The following CBFA2T2 variants were observed in gnomAD, a reference collection of about 807,000 sequenced individuals.
CBFA2T2 encodes CBFA2/RUNX1 partner transcriptional co-repressor 2, also known as protein CBFA2T2.
A neutral mutation model predicts 62.2 loss-of-function variants in CBFA2T2; 11 were observed. The observed-to-expected ratio is 0.18, with a 90% CI of 0.11 to 0.29. The LOEUF (loss-of-function observed/expected upper bound fraction) is 0.29, where lower values mean the gene tolerates loss of function less well. Ranked by LOEUF, CBFA2T2 falls within the 10% of genes least tolerant of loss-of-function variation. The pLI, the probability that CBFA2T2 is intolerant of heterozygous loss-of-function variation, is 1.00. For synonymous variants in CBFA2T2, 295 were observed against 287.5 expected (o/e 1.03, Z -0.27); for missense variants, 592 against 774.1 (o/e 0.76, Z 2.79).
At chr20:33,504,755 A>G (rs1189535896) in intron 1 of CBFA2T2, among the ~76,000 whole-genome samples, 1 of 152,134 alleles carries the variant, frequency 6.6e-6, no homozygotes, top group Non-Finnish European at 1.5e-5. Context: ...TGGCTATACC[A>G]TACCATTTTG....
intron 1 of CBFA2T2, among the ~76,000 whole-genome samples, chr20:33,493,798 G>A (rs1272445822): frequency 2.0e-5 from 2 of 101,196 alleles, no homozygotes; most frequent in East Asian, 2.9e-4. Flanking sequence ...ACCATACCTG[G>A]CCACCTAAAA....
intron 1 of CBFA2T2, among the ~76,000 whole-genome samples, chr20:33,592,771 G>GA (rs1280908066): frequency 1.6e-4 from 25 of 151,886 alleles, no homozygotes; most frequent in African/African-American, 6.0e-4. Flanking sequence ...TATATGAATG[G>GA]GTCACTGCCA....
At chr20:33,557,598 C>T (rs1440308797) in intron 1 of CBFA2T2, among the ~76,000 whole-genome samples, 1 of 152,092 alleles carries the variant, frequency 6.6e-6, no homozygotes, top group East Asian at 1.9e-4. Flanking sequence ...CCTCAAACTC[C>T]TGGTGTCAAG....
chr20:33,624,033 A>AT (rs1003266570), intron 5 of CBFA2T2: 12 of 543,520 alleles, frequency 2.2e-5, no homozygotes, highest in African/African-American at 3.8e-5. Context: ...TGTCAAACGC[A>AT]TTTTTTTCTG....
At chr20:33,606,149 A>G in intron 1 of CBFA2T2, among the ~76,000 whole-genome samples, 1 of 151,916 alleles carries the variant, frequency 6.6e-6, no homozygotes, top group Admixed American at 6.6e-5. Context: ...TAACTGATTG[A>G]TTTTCTTTTC....
chr20:33,554,998 G>T (rs556034208), intron 1 of CBFA2T2, among the ~76,000 whole-genome samples: 2 of 152,276 alleles, frequency 1.3e-5, no homozygotes, highest in African/African-American at 4.8e-5. Context: ...GAGCATTAAA[G>T]GATTCAGGCA....
At chr20:33,519,267 C>T (rs540932098) in intron 1 of CBFA2T2, among the ~76,000 whole-genome samples, 6 of 152,068 alleles carry the variant, frequency 3.9e-5, no homozygotes, top group South Asian at 4.2e-4. Flanking sequence ...ATCAGGAGTT[C>T]GAGACCAGCC....
intron 1 of CBFA2T2, among the ~76,000 whole-genome samples, chr20:33,500,875 C>T (rs1017216914): frequency 2.0e-5 from 3 of 152,132 alleles, no homozygotes; most frequent in Non-Finnish European, 1.5e-5. Context: ...AACAATTCAT[C>T]CCATATGTTT....
chr20:33,566,949 A>T (rs944972142), intron 1 of CBFA2T2, among the ~76,000 whole-genome samples: 1 of 152,238 alleles, frequency 6.6e-6, no homozygotes, highest in Admixed American at 6.5e-5. Flanking sequence ...TGTGATTTAT[A>T]TACCAGGAAG....
At chr20:33,531,416 T>A (rs2012058516) in intron 1 of CBFA2T2, among the ~76,000 whole-genome samples, 1 of 152,192 alleles carries the variant, frequency 6.6e-6, no homozygotes, top group Non-Finnish European at 1.5e-5. Flanking sequence ...GTATATCCTC[T>A]TCATCTGTGT....
chr20:33,556,577 AGTG>A (rs2146888878), intron 1 of CBFA2T2, among the ~76,000 whole-genome samples: 1 of 152,268 alleles, frequency 6.6e-6, no homozygotes, highest in African/African-American at 2.4e-5. Flanking sequence ...CTCAGCATCT[AGTG>A]GTGATTTTCT....
intron 3 of CBFA2T2, among the ~76,000 whole-genome samples, chr20:33,618,964 G>A (rs931659355): frequency 1.3e-5 from 2 of 152,210 alleles, no homozygotes; most frequent in African/African-American, 4.8e-5. Flanking sequence ...GGAGAATTTG[G>A]TGGTGGTGAA....
intron 8 of CBFA2T2, among the ~76,000 whole-genome samples, chr20:33,633,631 T>C (rs1243139559): frequency 6.6e-6 from 1 of 152,180 alleles, no homozygotes; most frequent in African/African-American, 2.4e-5. Flanking sequence ...AAAGGATGCA[T>C]AAATAAGTGC....
intron 1 of CBFA2T2, 146 bp downstream of exon 1, chr20:33,490,447 C>T: frequency 2.3e-6 from 2 of 862,538 alleles, no homozygotes; most frequent in Non-Finnish European, 3.1e-6. Flanking sequence ...GGTCACGCAG[C>T]GGGGCGGGCC....
At chr20:33,494,532 C>G (rs756224033) in intron 1 of CBFA2T2, among the ~76,000 whole-genome samples, 29 of 150,364 alleles carry the variant, frequency 1.9e-4, no homozygotes, top group Non-Finnish European at 3.6e-4. Context: ...CCGCCCGCCT[C>G]GGCCTCCCAA....
chr20:33,543,688 G>A (rs1014469091), intron 1 of CBFA2T2, among the ~76,000 whole-genome samples: 4 of 152,168 alleles, frequency 2.6e-5, no homozygotes, highest in African/African-American at 9.7e-5. Context: ...AAGGTAAAGT[G>A]AGTGTGTGCT....
At position 33,642,114 on chromosome 20, in the gene CBFA2T2, T is replaced by TG. The variant is rs1555851369; in HGVS notation, c.1488+1583_1488+1584insG. 4.1e-3 allele frequency among the ~76,000 whole-genome samples: 256 copies of TG among 62,836 alleles called. 1 individual carries two copies. The highest frequency in any genetic ancestry group is 0.019 in the Admixed American group (115 of 6,034). 41.2% of individuals were successfully genotyped at this position (62,836 alleles called of 152,430 possible). ...TCTCCTCCTCCTTTGTCTTTTTTTT[T>TG]TTTGTGTGTGTGTGTGTGTGTGTGT... On this transcript the variant is annotated intron_variant, in intron 10 of 10. Transcript: ENST00000342704.
At chr20:33,559,787 A>G (rs1292090752) in intron 1 of CBFA2T2, among the ~76,000 whole-genome samples, 1 of 152,226 alleles carries the variant, frequency 6.6e-6, no homozygotes, top group East Asian at 1.9e-4. Context: ...CGCCTGGCCA[A>G]TTGTGGTCAT....
intron 1 of CBFA2T2, among the ~76,000 whole-genome samples, chr20:33,539,865 A>T (rs2150165): frequency 0.084 from 12,696 of 150,546 alleles, 720 homozygotes; most frequent in East Asian, 0.3. Context: ...TTTTTTTTTT[A>T]ATTTTTATTT....
Sources: allele counts gnomAD v4.1 joint callset (sites outside exome capture counted in the v4.1 genomes callset), GRCh38; gene constraint gnomAD v4.1.1; transcripts MANE v1.5; gene names NCBI Gene and HGNC (gene_info 2026-07-23, HGNC 2026-07-21).